Variants in SH3TC2 observed in about 807,000 individuals in gnomAD.
SH3TC2 encodes the protein SH3 domain and tetratricopeptide repeats 2.
In SH3TC2, 87 loss-of-function variants were observed where a neutral mutation model predicts 124.5. The observed-to-expected ratio is 0.70, with a 90% CI of 0.59 to 0.84. The LOEUF (loss-of-function observed/expected upper bound fraction) is 0.84, where lower values mean the gene tolerates loss of function less well. Among genes scored for constraint, SH3TC2 ranks in the 40% least tolerant of loss-of-function variants. The probability of loss-of-function intolerance (pLI) is 0.00; values close to 1 mark genes in which losing one functional copy is unlikely to be tolerated. For synonymous variants in SH3TC2, 634 were observed against 628.5 expected, an observed-to-expected ratio of 1.01 and a Z score of -0.13; for missense variants, 1,536 against 1,566.4, an observed-to-expected ratio of 0.98 and a Z score of 0.33.
Position 148,989,380 on chromosome 5 carries a change from C to A in SH3TC2, c.*15331G>T, listed in dbSNP as rs1217892741. Among the ~76,000 whole-genome samples, 1 of 152,230 alleles carries A rather than the reference C, an allele frequency of 6.6e-6. No homozygotes were observed. Among genetic ancestry groups the A allele is most frequent in the Non-Finnish European group, 1.5e-5 (1 of 68,042 alleles). On this transcript the variant is annotated 3_prime_UTR_variant, in exon 17 of 17. Transcript: ENST00000515425. ...GTGATTTGTTAATGCTACACAGATA[C>A]TAAGCACTTTGAGACAAGATTTGAA... is the stretch of plus-strand genomic sequence containing the variant.
At position 149,044,529 on chromosome 5, in the gene SH3TC2, A is replaced by G; in HGVS notation, c.385+4T>C. 6.2e-7 allele frequency: 1 copy of G among 1,608,730 alleles called. No individual in the cohort carries two copies. The highest frequency in any genetic ancestry group is 1.1e-5 in the South Asian group (1 of 90,994). On this transcript the variant is annotated splice_donor_region_variant and intron_variant, in intron 4 of 16. Transcript: ENST00000515425. ...ATCCTCCACCTGCTTGCCTTGTACCATACCTAAATTAAGGTAGGTGGAGAA... is the reference window on the plus strand; with the variant it reads ...ATCCTCCACCTGCTTGCCTTGTACCGTACCTAAATTAAGGTAGGTGGAGAA...
chr5:149,047,182 G>GA (rs1387658594), intron 3 of SH3TC2: 5 of 152,658 alleles, frequency 3.3e-5, no homozygotes. Context: ...AACAAATGAA[G>GA]ATATTATCTA....
rs1753550661 is a variant in SH3TC2 at position 148,998,779 on chromosome 5, A to C, written c.*5932T>G. ...CCTTAGAGGAGGGTGAACGAAGTGC[A>C]CATTCCCAGAGCCAGCACTTCCAGC... On this transcript the variant is annotated 3_prime_UTR_variant, in exon 17 of 17. Transcript: ENST00000515425. Among the ~76,000 whole-genome samples, 1 of 152,212 alleles carries C rather than the reference A, an allele frequency of 6.6e-6. No individual in the cohort carries two copies. The highest frequency in any genetic ancestry group is 1.5e-5 in the Non-Finnish European group (1 of 68,040).
rs1215613764 is a variant in SH3TC2 at position 149,027,222 on chromosome 5, A to C, written c.2510T>G (p.Val837Gly). The C allele has an allele frequency of 6.2e-7, 1 of 1,613,986 alleles. No homozygotes were observed. The highest frequency in any genetic ancestry group is 8.5e-7 in the Non-Finnish European group (1 of 1,180,020). The change falls in exon 11 of 17, where the codon GTC becomes GGC. Residue 837 changes from valine to glycine, a missense_variant. Around this residue, in one of 3 missense-constraint regions of SH3TC2, gnomAD observed 1,102 missense variants for 1,098.6 expected, o/e 1.00. Coordinates refer to ENST00000515425, the MANE Select transcript of SH3TC2 (RefSeq NM_024577.4). ...KETESLTQRG[V>G]IYNLLGLALQ... Reference sequence around the variant, plus strand: ...TGCAAGTCCCAGGAGGTTATAGATGACTCCCCTTTGAGTGAGACTCTCTGT... The same window carrying C: ...TGCAAGTCCCAGGAGGTTATAGATGCCTCCCCTTTGAGTGAGACTCTCTGT...
intron 1 of SH3TC2, among the ~76,000 whole-genome samples, chr5:149,058,717 G>A (rs79705159): frequency 0.013 from 2,013 of 152,132 alleles, 44 homozygotes; most frequent in African/African-American, 0.045. Flanking sequence ...GCCAGCCTGC[G>A]CATGCTGGGG....
rs1401734188 is a variant in SH3TC2 at position 148,998,221 on chromosome 5, C to T, written c.*6490G>A. On this transcript the variant is annotated 3_prime_UTR_variant, in exon 17 of 17. Coordinates refer to ENST00000515425, the MANE Select transcript of SH3TC2 (RefSeq NM_024577.4). ...GCACACGAGGATAAACCATAAAATG[C>T]ATTTCTTACTGTGGGCCACAACAAC... 6.6e-6 allele frequency among the ~76,000 whole-genome samples: 1 copy of T among 152,178 alleles called. No homozygotes were observed. Among genetic ancestry groups the T allele is most frequent in the Non-Finnish European group, 1.5e-5 (1 of 68,024 alleles).
chr5:148,994,465 G>A lies in SH3TC2; in HGVS notation c.*10246C>T, dbSNP rs1465060046. Among the ~76,000 whole-genome samples the A allele has an allele frequency of 6.6e-6, 1 of 152,192 alleles. No homozygotes were observed. The highest frequency in any genetic ancestry group is 1.5e-5 in the Non-Finnish European group (1 of 68,020). On this transcript the variant is annotated 3_prime_UTR_variant, in exon 17 of 17. Transcript: ENST00000515425. Reference sequence around the variant, plus strand: ...TATCAGAGGACTCTGACTTGCCCTGGAGCCCATAGGACTTATGAAGACAGG... The same window carrying A: ...TATCAGAGGACTCTGACTTGCCCTGAAGCCCATAGGACTTATGAAGACAGG...
In SH3TC2 at chr5:148,996,116, G is replaced by GT. The variant is rs1045004768; in HGVS notation, c.*8594dup. On this transcript the variant is annotated 3_prime_UTR_variant, in exon 17 of 17. Coordinates refer to ENST00000515425, the MANE Select transcript of SH3TC2 (RefSeq NM_024577.4). ...AAAAAAAAAAAATTAGCTGGGAGTG[G>GT]TTGTACATGCCTGTAGTCCCAGCTA... is the stretch of plus-strand genomic sequence containing the variant. Among the ~76,000 whole-genome samples, 153 of 152,034 alleles carry GT rather than the reference G, an allele frequency of 1.0e-3. 1 individual carries two copies. The highest frequency in any genetic ancestry group is 7.8e-4 in the Non-Finnish European group (53 of 67,974).
intron 12 of SH3TC2, among the ~76,000 whole-genome samples, chr5:149,017,067 A>C (rs979652803): frequency 1.3e-5 from 2 of 152,234 alleles, no homozygotes; most frequent in Admixed American, 6.5e-5. Context: ...AATAATATGC[A>C]CATCCTTTGT....
rs183563160 is a variant in SH3TC2 at position 149,036,607 on chromosome 5, C to A, written c.1001+1688G>T. Among the ~76,000 whole-genome samples the A allele has an allele frequency of 1.3e-3, 200 of 152,300 alleles. 1 individual carries two copies. The highest frequency in any genetic ancestry group is 4.7e-3 in the African/African-American group (194 of 41,574). On this transcript the variant is annotated intron_variant, in intron 8 of 16. Transcript: ENST00000515425. Reference sequence around the variant, plus strand: ...AATGAGAGCTCACTGGATTTAATGTCAGGATTCTAAAGTTCCAGAGGGAAG... The same window carrying A: ...AATGAGAGCTCACTGGATTTAATGTAAGGATTCTAAAGTTCCAGAGGGAAG...
chr5:149,009,480 A>G (rs1201041575), intron 14 of SH3TC2, among the ~76,000 whole-genome samples: 1 of 152,230 alleles, frequency 6.6e-6, no homozygotes, highest in Non-Finnish European at 1.5e-5. Flanking sequence ...AATGCATATG[A>G]AAATAAGCCC....
chr5:149,039,053 G>A (rs546096973), intron 7 of SH3TC2, among the ~76,000 whole-genome samples: 1 of 152,308 alleles, frequency 6.6e-6, no homozygotes, highest in African/African-American at 2.4e-5. Context: ...CACAATGCCT[G>A]GTACCTGGTC....
rs1421608668 is a variant in SH3TC2, at chr5:148,999,527, TAAA to T, written c.*5181_*5183del. On this transcript the variant is annotated 3_prime_UTR_variant, in exon 17 of 17. Coordinates refer to ENST00000515425, the MANE Select transcript of SH3TC2 (RefSeq NM_024577.4). ...GTCCACACATCTCAATGGGAGCAAT[TAAA>T]AGAGGAAAAGAGACCAAAACTGACA... Among the ~76,000 whole-genome samples the T allele has an allele frequency of 6.6e-6, 1 of 151,948 alleles. No individual in the cohort carries two copies. Among genetic ancestry groups the T allele is most frequent in the Non-Finnish European group, 1.5e-5 (1 of 67,996 alleles).
chr5:149,019,121 A>C (rs940243509), intron 12 of SH3TC2, among the ~76,000 whole-genome samples: 18 of 152,192 alleles, frequency 1.2e-4, no homozygotes, highest in African/African-American at 3.9e-4. Context: ...GCCAGGAAAA[A>C]AATTGCTCCA....
At chr5:149,024,158 T>C (rs904974299) in intron 12 of SH3TC2, among the ~76,000 whole-genome samples, 3 of 152,162 alleles carry the variant, frequency 2.0e-5, no homozygotes, top group Admixed American at 1.3e-4. Flanking sequence ...ACCTGAGCCC[T>C]GAGCAAAGGA....
At chr5:149,038,259 G>A in intron 8 of SH3TC2, 36 bp downstream of exon 8, 1 of 1,601,972 alleles carries the variant, frequency 6.2e-7, no homozygotes, top group Non-Finnish European at 8.6e-7. Flanking sequence ...GGGAAAGGGA[G>A]CCCAGCTCCA....
At position 149,027,851 on chromosome 5, in the gene SH3TC2, GC is replaced by G; in HGVS notation, c.1880del (p.Gly627AlafsTer18). The G allele has an allele frequency of 6.2e-7, 1 of 1,613,870 alleles. No homozygotes were observed. On this transcript the variant is annotated frameshift_variant, in exon 11 of 17. Coordinates refer to ENST00000515425, the MANE Select transcript of SH3TC2 (RefSeq NM_024577.4). LOFTEE classifies it high-confidence loss of function. ...AGGCCCTGGCCTCCAGCGGGCTGCT[GC>G]CCACCACAATCCCCTGGCGCAGCAC... Reference protein sequence around the residue: ...AYVLRQGIVVGSSPLEARACF... With the variant: ...AYVLRQGIVVXSSPLEARACF...
chr5:149,012,827 C>T, intron 12 of SH3TC2, 93 bp from the exon 13 acceptor site: 2 of 1,416,674 alleles, frequency 1.4e-6, no homozygotes, highest in Non-Finnish European at 9.9e-7. Flanking sequence ...TGAGCAGGAA[C>T]AGCCATGTCC....
chr5:149,033,767 C>T (rs1754237500), intron 8 of SH3TC2, among the ~76,000 whole-genome samples: 1 of 152,142 alleles, frequency 6.6e-6, no homozygotes, highest in Admixed American at 6.5e-5. Context: ...GCCACTGGGA[C>T]GTGTGGGATC....
Sources: gnomAD v4.1 joint callset for allele counts (sites outside exome capture counted in the v4.1 genomes callset) on GRCh38, gnomAD v4.1.1 for gene constraint, gnomAD v4.1.1 regional missense constraint, MANE v1.5 for transcripts, NCBI Gene and HGNC (gene_info 2026-07-23, HGNC 2026-07-21) for gene names.